ACOT1: variants seen among roughly 807,000 people sequenced by gnomAD.
The protein encoded by ACOT1 is acyl-CoA thioesterase 1, also known as acyl-coenzyme A thioesterase 1.
Under a neutral mutation model 15.7 loss-of-function variants are expected in ACOT1, and 8 were observed. The observed-to-expected ratio is 0.51, with a 90% CI of 0.30 to 0.92. The LOEUF (loss-of-function observed/expected upper bound fraction) is 0.92. Ranked by LOEUF, ACOT1 falls within the 40% of genes least tolerant of loss-of-function variation. The pLI is 0.06. For missense variants in ACOT1, 151 were observed against 539.4 expected (o/e 0.28, Z 7.13); for synonymous variants, 67 against 241.2 (o/e 0.28, Z 6.69).
the ACOT1 span, among the ~76,000 whole-genome samples, chr14:73,506,937 A>AT: frequency 6.6e-6 from 1 of 150,412 alleles, no homozygotes; most frequent in Non-Finnish European, 1.5e-5. Flanking sequence ...AGTAGCTGGG[A>AT]TTACAGGCGC....
the ACOT1 span, chr14:73,491,749 C>T: frequency 6.4e-7 from 1 of 1,558,280 alleles, no homozygotes; most frequent in South Asian, 1.2e-5. Flanking sequence ...TTTTCTCTAC[C>T]GCTGACCTGG....
chr14:73,492,603 G>T, the ACOT1 span: 3 of 1,613,930 alleles, frequency 1.9e-6, no homozygotes, highest in South Asian at 1.1e-5. This position sits in a 1 kb window ranked among gnomAD's most constrained non-coding sequence, Gnocchi z 4.9. Context: ...CTTCCAATTC[G>T]CTGGGAGGCT....
chr14:73,495,256 G>T, the ACOT1 span: 287 of 1,613,968 alleles, frequency 1.8e-4, no homozygotes, highest in East Asian at 1.1e-3. Flanking sequence ...GTAAAGTCTG[G>T]AGTGTTAGTG....
At chr14:73,504,537 C>T in the ACOT1 span, among the ~76,000 whole-genome samples, 3 of 152,080 alleles carry the variant, frequency 2.0e-5, no homozygotes, top group African/African-American at 2.4e-5. Flanking sequence ...CCACTGTGCC[C>T]GGCCGATTTT....
chr14:73,496,916 G>A, the ACOT1 span, among the ~76,000 whole-genome samples: 1 of 152,238 alleles, frequency 6.6e-6, no homozygotes, highest in Non-Finnish European at 1.5e-5. Flanking sequence ...GCGAGATGGA[G>A]TCTTGCTCTG....
chr14:73,492,434 C>T, the ACOT1 span: 2 of 1,613,790 alleles, frequency 1.2e-6, no homozygotes, highest in Non-Finnish European at 1.7e-6. The surrounding 1 kb of genome is among the most constrained non-coding windows in gnomAD (Gnocchi z 4.9). Context: ...TAAGGATCCG[C>T]GAAGAACCGC....
chr14:73,519,430 AG>A, the ACOT1 span, among the ~76,000 whole-genome samples: 1 of 151,848 alleles, frequency 6.6e-6, no homozygotes, highest in Non-Finnish European at 1.5e-5. Flanking sequence ...CTGGGAGCCA[AG>A]GATGGTGATT....
the ACOT1 span, chr14:73,508,309 T>G: frequency 6.2e-7 from 1 of 1,612,358 alleles, no homozygotes; most frequent in Non-Finnish European, 8.5e-7. Context: ...CACAGTTGGG[T>G]GAAAAAGAGT....
chr14:73,522,855 T>C, the ACOT1 span: 2 of 1,614,046 alleles, frequency 1.2e-6, no homozygotes, highest in African/African-American at 1.3e-5. Flanking sequence ...ATGATGTCAT[T>C]GGTATTGTAG....
upstream of ACOT1, chr14:73,537,077 G>A (rs1267270436): frequency 5.2e-6 from 1 of 191,228 alleles, no homozygotes; most frequent in Non-Finnish European, 9.4e-6. Flanking sequence ...TCCACCCCCC[G>A]GGATCACGCC....
intron 2 of ACOT1, among the ~76,000 whole-genome samples, chr14:73,542,730 C>T (rs66716175): frequency 0.35 from 38,479 of 110,070 alleles, 15,174 homozygotes; most frequent in Admixed American, 0.5. Context: ...TTGTTGATGA[C>T]GACTCAGTTT....
the ACOT1 span, among the ~76,000 whole-genome samples, chr14:73,524,742 CACTT>C: frequency 1.3e-5 from 2 of 151,400 alleles, no homozygotes; most frequent in Admixed American, 1.3e-4. Flanking sequence ...CCCTACCACT[CACTT>C]TGTTGGCCTT....
chr14:73,503,544 C>A, the ACOT1 span, among the ~76,000 whole-genome samples: 1 of 152,234 alleles, frequency 6.6e-6, no homozygotes, highest in Non-Finnish European at 1.5e-5. Flanking sequence ...CTAGAAGTAT[C>A]TCCCTTCTCT....
At chr14:73,520,687 C>G in the ACOT1 span, 1 of 629,490 alleles carries the variant, frequency 1.6e-6, no homozygotes. Flanking sequence ...TATCACTCCC[C>G]GACCCAACTC....
At chr14:73,497,309 G>T in the ACOT1 span, among the ~76,000 whole-genome samples, 1 of 152,180 alleles carries the variant, frequency 6.6e-6, no homozygotes, top group African/African-American at 2.4e-5. Flanking sequence ...CAAAGTGTTG[G>T]GATTACAGAT....
the ACOT1 span, among the ~76,000 whole-genome samples, chr14:73,532,052 A>T: frequency 3.5e-5 from 4 of 113,902 alleles, 1 homozygote; most frequent in African/African-American, 1.1e-4. Context: ...AAATAAAAAA[A>T]CCCTCTAGAT....
the ACOT1 span, chr14:73,491,725 C>G: frequency 6.4e-7 from 1 of 1,552,286 alleles, no homozygotes; most frequent in Non-Finnish European, 8.7e-7. Context: ...AGGACCACAC[C>G]TACTACCAGG....
chr14:73,537,401 A>G lies in ACOT1; in HGVS notation c.-21A>G, dbSNP rs113717902. The G allele has an allele frequency of 4.9e-6, 6 of 1,233,718 alleles. 3 individuals are homozygous for G. The highest frequency in any genetic ancestry group is 6.4e-6 in the Non-Finnish European group (6 of 931,404). 76.4% of individuals were successfully genotyped at this position (1,233,718 alleles called of 1,614,324 possible). On this transcript the variant is annotated 5_prime_UTR_variant, in exon 1 of 3. Coordinates refer to ENST00000311148, the MANE Select transcript of ACOT1 (RefSeq NM_001037161.2). ...TCCACAGCTGAGGCAGTTTGGCCGG[A>G]TTATTTGGGTTCCTGCTCGGATGGC...
chr14:73,495,078 G>A, the ACOT1 span: 1 of 563,176 alleles, frequency 1.8e-6, no homozygotes, highest in African/African-American at 1.9e-5. Flanking sequence ...AAAACACAAA[G>A]ACTGAGTGGA....
Sources: allele counts gnomAD v4.1 joint callset (sites outside exome capture counted in the v4.1 genomes callset), GRCh38; gene constraint gnomAD v4.1.1; non-coding constraint Gnocchi (gnomAD v3.1); transcripts MANE v1.5; gene names NCBI Gene and HGNC (gene_info 2026-07-23, HGNC 2026-07-21).